ATP9A: variants seen among roughly 807,000 people sequenced by gnomAD.
ATP9A encodes the protein probable phospholipid-transporting ATPase IIA.
Under a neutral mutation model 144.1 loss-of-function variants are expected in ATP9A, and 52 were observed. That is an observed-to-expected ratio of 0.36 (90% CI 0.29 to 0.45). ATP9A has a LOEUF of 0.45. Ranked by LOEUF, ATP9A falls within the 20% of genes least tolerant of loss-of-function variation. The probability of loss-of-function intolerance (pLI) is 1.00; values close to 1 mark genes in which losing one functional copy is unlikely to be tolerated. For missense variants in ATP9A, 947 were observed against 1,392.7 expected (o/e 0.68, Z 5.09); for synonymous variants, 582 against 557.4 (o/e 1.04, Z -0.62).
chr20:51,602,787 A>T (rs779191003), intron 27 of ATP9A, among the ~76,000 whole-genome samples: 2 of 152,140 alleles, frequency 1.3e-5, no homozygotes, highest in Non-Finnish European at 1.5e-5. Flanking sequence ...CCCCTTAAGG[A>T]ACATTTTTAG....
At chr20:51,713,432 C>T (rs1460195359) in intron 3 of ATP9A, among the ~76,000 whole-genome samples, 1 of 152,204 alleles carries the variant, frequency 6.6e-6, no homozygotes, top group Admixed American at 6.5e-5. Flanking sequence ...GTCTCTCACC[C>T]ACCATGTGCT....
chr20:51,670,600 G>T (rs2077451888), intron 12 of ATP9A, among the ~76,000 whole-genome samples: 1 of 152,100 alleles, frequency 6.6e-6, no homozygotes, highest in African/African-American at 2.4e-5. Flanking sequence ...CAGGATCTTT[G>T]CATTAGCTTC....
At chr20:51,655,497 G>C (rs1200946989) in intron 14 of ATP9A, among the ~76,000 whole-genome samples, 2 of 136,974 alleles carry the variant, frequency 1.5e-5, no homozygotes, top group Non-Finnish European at 3.2e-5. Context: ...TTCCAAAGAA[G>C]ATAAACAAAT....
At chr20:51,681,312 T>C (rs2077498641) in intron 9 of ATP9A, among the ~76,000 whole-genome samples, 1 of 152,236 alleles carries the variant, frequency 6.6e-6, no homozygotes, top group Non-Finnish European at 1.5e-5. Flanking sequence ...ACATTGCTCC[T>C]TCCACCTCAG....
At chr20:51,694,302 C>CA in intron 6 of ATP9A, among the ~76,000 whole-genome samples, 200 bp from the exon 7 acceptor site, 1 of 152,300 alleles carries the variant, frequency 6.6e-6, no homozygotes, top group South Asian at 2.1e-4. Flanking sequence ...CTCACTCCGC[C>CA]ACTCCCTCTG....
intron 3 of ATP9A, among the ~76,000 whole-genome samples, chr20:51,719,639 C>T (rs573475542): frequency 2.0e-5 from 3 of 147,228 alleles, no homozygotes; most frequent in South Asian, 2.2e-4. Context: ...AGGCTGAGGC[C>T]GGAGAATCGC....
chr20:51,654,867 C>G (rs931202228), intron 14 of ATP9A, among the ~76,000 whole-genome samples: 2 of 152,172 alleles, frequency 1.3e-5, no homozygotes, highest in Non-Finnish European at 2.9e-5. Context: ...AGTAACTGCC[C>G]AAGTGTGGAG....
At chr20:51,614,857 G>C (rs911774770) in intron 22 of ATP9A, among the ~76,000 whole-genome samples, 3 of 152,100 alleles carry the variant, frequency 2.0e-5, no homozygotes, top group African/African-American at 7.2e-5. Flanking sequence ...CAAAAAGAGA[G>C]AAACGTGTTC....
chr20:51,661,494 C>T lies in ATP9A; in HGVS notation c.1294-4344G>A, dbSNP rs1001110721. The stretch of plus-strand genomic sequence containing the variant: ...TCCTCCCACCTCAGCCTTCTGAATA[C>T]CGGGACCACAGGCGTGCACCACCAT... On this transcript the variant is annotated intron_variant, in intron 13 of 27. Coordinates refer to ENST00000338821, the MANE Select transcript of ATP9A (RefSeq NM_006045.3). Among the ~76,000 whole-genome samples, 3 of 149,994 alleles carry T rather than the reference C, an allele frequency of 2.0e-5. No homozygotes were observed. The South Asian group carries it at 6.4e-4, about 32-fold the overall frequency.
At chr20:51,637,029 T>G (rs2122742550) in intron 15 of ATP9A, among the ~76,000 whole-genome samples, 1 of 152,318 alleles carries the variant, frequency 6.6e-6, no homozygotes, top group East Asian at 1.9e-4. Flanking sequence ...AGGTGGAGGT[T>G]GCAGTGAGCT....
At chr20:51,642,421 A>G (rs558112931) in intron 14 of ATP9A, among the ~76,000 whole-genome samples, 3 of 152,090 alleles carry the variant, frequency 2.0e-5, no homozygotes, top group East Asian at 3.9e-4. Context: ...TCCCTCCCAA[A>G]GTGCTGGGAT....
chr20:51,758,075 T>C (rs1006224890), intron 1 of ATP9A, among the ~76,000 whole-genome samples: 4 of 152,180 alleles, frequency 2.6e-5, no homozygotes, highest in African/African-American at 9.7e-5. Context: ...ATAGACTTCA[T>C]GGTTTTCTTT....
chr20:51,702,925 G>C (rs2077600416), intron 4 of ATP9A, among the ~76,000 whole-genome samples: 1 of 152,122 alleles, frequency 6.6e-6, no homozygotes, highest in Non-Finnish European at 1.5e-5. Flanking sequence ...CAATTGATCT[G>C]ACAGAAAAGA....
intron 1 of ATP9A, among the ~76,000 whole-genome samples, chr20:51,755,812 A>C (rs954247358): frequency 1.3e-5 from 2 of 151,810 alleles, no homozygotes; most frequent in African/African-American, 4.8e-5. Context: ...AAAATTAGCC[A>C]GGCGTGGTGG....
In ATP9A at chr20:51,639,366, T is replaced by C; in HGVS notation, c.1645A>G (p.Lys549Glu). ...LQIFPFTYES[K>E]RMGIIVRDES... Reference sequence around the variant, plus strand: ...ACCCGCACGATGATGCCCATACGTTTGCTTTCATAGGTGAAAGGGAAGATC... The same window carrying C: ...ACCCGCACGATGATGCCCATACGTTCGCTTTCATAGGTGAAAGGGAAGATC... Residue 549 changes from lysine (K) to glutamate (E), a missense_variant, in exon 15 of 28, where the codon AAA becomes GAA. Coordinates refer to ENST00000338821, the MANE Select transcript of ATP9A (RefSeq NM_006045.3). 6.2e-7 allele frequency: 1 copy of C among 1,613,840 alleles called. No homozygotes were observed. The highest frequency in any genetic ancestry group is 1.3e-5 in the African/African-American group (1 of 75,028).
chr20:51,690,110 A>AAC (rs1322397421), intron 8 of ATP9A, among the ~76,000 whole-genome samples: 7 of 17,932 alleles, frequency 3.9e-4, no homozygotes, highest in Non-Finnish European at 8.8e-4. Context: ...AGACCGTCTC[A>AAC]AAAAAAAAAA....
At chr20:51,718,812 C>A (rs2077674380) in intron 3 of ATP9A, among the ~76,000 whole-genome samples, 1 of 34,486 alleles carries the variant, frequency 2.9e-5, no homozygotes. Flanking sequence ...AAGACTCCAT[C>A]TCAAAAAAAA....
rs1315107082 is a variant in ATP9A, at chr20:51,763,291, T to A, written c.68+5011A>T. 7.9e-5 allele frequency among the ~76,000 whole-genome samples: 12 copies of A among 151,854 alleles called. No individual in the cohort carries two copies. The East Asian group carries it at 2.3e-3, about 29-fold the overall frequency. On this transcript the variant is annotated intron_variant, in intron 1 of 27. Coordinates refer to ENST00000338821, the MANE Select transcript of ATP9A (RefSeq NM_006045.3). ...TTGCATAACTCCATACACCTGGTTT[T>A]TTTTTAATCAATGGTTTACATACTT... is the stretch of plus-strand genomic sequence containing the variant.
intron 1 of ATP9A, among the ~76,000 whole-genome samples, chr20:51,748,920 T>TAGAC (rs764139564): frequency 1.0e-3 from 130 of 128,702 alleles, no homozygotes; most frequent in African/African-American, 3.9e-3. Context: ...GATAGATAGA[T>TAGAC]AGATAGATAG....
Sources: allele counts gnomAD v4.1 joint callset (sites outside exome capture counted in the v4.1 genomes callset), GRCh38; gene constraint gnomAD v4.1.1; transcripts MANE v1.5; gene names NCBI Gene and HGNC (gene_info 2026-07-23, HGNC 2026-07-21).